TNIK: variants seen among roughly 807,000 people sequenced by gnomAD.
TNIK encodes the protein TRAF2 and NCK interacting kinase.
In TNIK, 49 loss-of-function variants were observed where a neutral mutation model predicts 191.3. The ratio of observed to expected loss-of-function variants is 0.26; its 90% confidence interval spans 0.20 to 0.32. TNIK has a LOEUF of 0.32. Among genes scored for constraint, TNIK ranks in the 10% least tolerant of loss-of-function variants. The pLI is 1.00. For synonymous variants in TNIK, 594 were observed against 600.9 expected (o/e 0.99, Z 0.17); for missense variants, 1,155 against 1,702.3 (o/e 0.68, Z 5.66).
chr3:171,404,732 A>T (rs1369146852), intron 1 of TNIK, among the ~76,000 whole-genome samples: 1 of 152,174 alleles, frequency 6.6e-6, no homozygotes, highest in Non-Finnish European at 1.5e-5. Context: ...CCATTTTCAC[A>T]GATAGGGAGT....
chr3:171,282,341 G>GTTTTTTTT lies in TNIK; in HGVS notation c.124-54128_124-54121dup, dbSNP rs869305605. Among the ~76,000 whole-genome samples the GTTTTTTTT allele has an allele frequency of 3.6e-4, 29 of 79,958 alleles. 2 individuals carry two copies. The highest frequency in any genetic ancestry group is 1.0e-3 in the African/African-American group (23 of 22,438). The allele number at this position is 79,958 out of a possible 152,430, so 52.5% of individuals were successfully genotyped here. On this transcript the variant is annotated intron_variant, in intron 2 of 32. Transcript: ENST00000436636. ...CTGCAGATTCTCTTAATGGTTTTTT[G>GTTTTTTTT]TTTTTTTTTTTTTTTTTGAGATGGA...
chr3:171,167,152 C>T lies in TNIK; in HGVS notation c.892G>A (p.Val298Ile). Residue 298 changes from valine (V) to isoleucine (I), a missense_variant, in exon 10 of 33, where the codon GTC (valine) becomes ATC (isoleucine). This residue lies in a region of TNIK where 225 missense variants were observed against 438.9 expected (regional missense o/e 0.51). Coordinates refer to ENST00000436636, the MANE Select transcript of TNIK (RefSeq NM_015028.4). ...FIRDQPNERQ[V>I]RIQLKDHIDR... ...ATATGGTCCTTGAGTTGAATGCGGA[C>T]CTGTCGCTCATTAGGTTGGTCTCGT... 6.2e-7 allele frequency: 1 copy of T among 1,613,882 alleles called. No individual in the cohort carries two copies. The highest frequency in any genetic ancestry group is 8.5e-7 in the Non-Finnish European group (1 of 1,179,864).
At chr3:171,364,899 A>G (rs890555136) in intron 2 of TNIK, among the ~76,000 whole-genome samples, 3 of 152,116 alleles carry the variant, frequency 2.0e-5, no homozygotes, top group African/African-American at 7.2e-5. Context: ...AAGTGAGAAC[A>G]AGGTGCTCAT....
At chr3:171,284,927 C>T (rs947098697) in intron 2 of TNIK, among the ~76,000 whole-genome samples, 2 of 152,140 alleles carry the variant, frequency 1.3e-5, no homozygotes, top group Non-Finnish European at 2.9e-5. Context: ...AGAAAGGAAG[C>T]AGAAAATTTA....
At chr3:171,228,108 A>T (rs375901951) in intron 3 of TNIK, 57 bp downstream of exon 3, 37 of 1,589,658 alleles carry the variant, frequency 2.3e-5, no homozygotes, top group Admixed American at 1.7e-5. Context: ...ATGTGAACTC[A>T]TCATAAGTCA....
At chr3:171,274,970 G>T (rs1172923347) in intron 2 of TNIK, among the ~76,000 whole-genome samples, 1 of 152,148 alleles carries the variant, frequency 6.6e-6, no homozygotes, top group Non-Finnish European at 1.5e-5. Context: ...GAGCTGTGAG[G>T]CAGGAAAAAC....
intron 1 of TNIK, among the ~76,000 whole-genome samples, chr3:171,401,622 G>C (rs917230733): frequency 1.3e-5 from 2 of 152,070 alleles, no homozygotes; most frequent in Admixed American, 6.6e-5. Context: ...GGGGGCAGGA[G>C]GAGGGGCAAC....
intron 1 of TNIK, among the ~76,000 whole-genome samples, chr3:171,403,879 G>T (rs1721309939): frequency 6.6e-6 from 1 of 152,180 alleles, no homozygotes; most frequent in South Asian, 2.1e-4. Context: ...TGCTAACAGT[G>T]TCCAGAGGCT....
chr3:171,248,708 G>A (rs1181547703), intron 2 of TNIK, among the ~76,000 whole-genome samples: 3 of 152,198 alleles, frequency 2.0e-5, no homozygotes, highest in African/African-American at 4.8e-5. Flanking sequence ...AAAAAGTCCA[G>A]GTTGTGAATA....
At chr3:171,450,310 C>G (rs943728918) in intron 1 of TNIK, among the ~76,000 whole-genome samples, 1 of 152,244 alleles carries the variant, frequency 6.6e-6, no homozygotes, top group Admixed American at 6.5e-5. Flanking sequence ...GGTTTCTTCA[C>G]AGTGGAGCAC....
intron 9 of TNIK, among the ~76,000 whole-genome samples, chr3:171,172,420 A>T (rs1735411496): frequency 6.6e-6 from 1 of 152,262 alleles, no homozygotes; most frequent in Non-Finnish European, 1.5e-5. Flanking sequence ...TAATTAAAAT[A>T]AAAAACATAA....
chr3:171,205,660 C>T (rs916704663), intron 4 of TNIK, among the ~76,000 whole-genome samples: 1 of 152,144 alleles, frequency 6.6e-6, no homozygotes, highest in Non-Finnish European at 1.5e-5. Context: ...CTGGTCTATT[C>T]GCAAGCCAGC....
chr3:171,390,593 G>GGTTAGGTTCA (rs1425649633), intron 1 of TNIK, among the ~76,000 whole-genome samples: 1 of 152,200 alleles, frequency 6.6e-6, no homozygotes, highest in Non-Finnish European at 1.5e-5. Flanking sequence ...CACAGAAGCT[G>GGTTAGGTTCA]CTGAATAACT....
intron 2 of TNIK, among the ~76,000 whole-genome samples, chr3:171,353,944 A>G (rs1713615723): frequency 6.6e-6 from 1 of 152,104 alleles, no homozygotes; most frequent in Non-Finnish European, 1.5e-5. Context: ...TTTTGTAGAT[A>G]TCCTCTACCC....
At chr3:171,288,902 T>C (rs1223106001) in intron 2 of TNIK, among the ~76,000 whole-genome samples, 1 of 151,954 alleles carries the variant, frequency 6.6e-6, no homozygotes, top group East Asian at 1.9e-4. Context: ...TTTGGAGAAG[T>C]AGAATGAAAT....
chr3:171,205,214 TTCTG>T (rs1328460993), intron 4 of TNIK, among the ~76,000 whole-genome samples: 4 of 152,220 alleles, frequency 2.6e-5, no homozygotes, highest in Non-Finnish European at 4.4e-5. Flanking sequence ...ACTATTATGT[TTCTG>T]TCTTTCTTCT....
chr3:171,106,548 T>C, intron 21 of TNIK: 1 of 382,122 alleles, frequency 2.6e-6, no homozygotes, highest in Non-Finnish European at 5.5e-6. Context: ...AATTCTACTC[T>C]GCTGTATTCA....
intron 2 of TNIK, among the ~76,000 whole-genome samples, chr3:171,234,534 C>T (rs905129): frequency 0.55 from 83,716 of 151,936 alleles, 24,528 homozygotes; most frequent in African/African-American, 0.76. Flanking sequence ...AAATGGATTG[C>T]TTTCAAGACT....
chr3:171,285,357 T>G (rs772662578), intron 2 of TNIK, among the ~76,000 whole-genome samples: 4 of 152,254 alleles, frequency 2.6e-5, no homozygotes, highest in African/African-American at 9.6e-5. Flanking sequence ...TGGTAATATA[T>G]GTTAGCTTGC....
Sources: gnomAD v4.1 joint callset for allele counts (sites outside exome capture counted in the v4.1 genomes callset) on GRCh38, gnomAD v4.1.1 for gene constraint, gnomAD v4.1.1 regional missense constraint, MANE v1.5 for transcripts, NCBI Gene and HGNC (gene_info 2026-07-23, HGNC 2026-07-21) for gene names.